FBXW7: variants seen among roughly 807,000 people sequenced by gnomAD.
FBXW7 encodes F-box and WD repeat domain containing 7, also known as F-box/WD repeat-containing protein 7.
FBXW7 carries 11 observed loss-of-function variants against 86.3 expected under a neutral mutation model. The ratio of observed to expected loss-of-function variants is 0.13; its 90% CI spans 0.08 to 0.21. FBXW7 has a LOEUF of 0.21. FBXW7 is among the 10% of genes least tolerant of loss of function. The probability of loss-of-function intolerance (pLI) is 1.00; values close to 1 mark genes in which losing one functional copy is unlikely to be tolerated. For synonymous variants in FBXW7, 313 were observed against 297.9 expected (o/e 1.05, Z -0.52); for missense variants, 488 against 847.4 (o/e 0.58, Z 5.27).
chr4:152,373,219 G>A (rs1175036034), intron 4 of FBXW7, among the ~76,000 whole-genome samples: 2 of 151,946 alleles, frequency 1.3e-5, no homozygotes, highest in Non-Finnish European at 2.9e-5. Flanking sequence ...GATTCCTCAC[G>A]TGTAAAACAG....
chr4:152,459,118 TCTA>T (rs1742701504), intron 2 of FBXW7, among the ~76,000 whole-genome samples: 1 of 152,190 alleles, frequency 6.6e-6, no homozygotes, highest in African/African-American at 2.4e-5. Flanking sequence ...AGTGGTGTTC[TCTA>T]CTGTCTAAGT....
At chr4:152,411,206 T>G (rs1161788108) in intron 4 of FBXW7, 97 bp downstream of exon 4, 4 of 1,384,714 alleles carry the variant, frequency 2.9e-6, no homozygotes, top group Non-Finnish European at 2.9e-6. Context: ...ATCTTAAGAT[T>G]AATTTTTAGT....
intron 2 of FBXW7, among the ~76,000 whole-genome samples, chr4:152,431,945 T>C (rs745987097): frequency 2.6e-5 from 4 of 152,184 alleles, no homozygotes; most frequent in Non-Finnish European, 5.9e-5. Context: ...AATCAGTACT[T>C]GCTACTCTTC....
intron 4 of FBXW7, chr4:152,353,007 C>T: frequency 8.1e-7 from 1 of 1,231,386 alleles, no homozygotes; most frequent in Non-Finnish European, 1.0e-6. Context: ...GAGACCGCCC[C>T]CACACGACAG....
chr4:152,369,837 A>AT (rs1345162241), intron 4 of FBXW7, among the ~76,000 whole-genome samples: 1 of 151,994 alleles, frequency 6.6e-6, no homozygotes, highest in Non-Finnish European at 1.5e-5. Flanking sequence ...TTAACTAAAC[A>AT]TATTCCTTGA....
intron 2 of FBXW7, among the ~76,000 whole-genome samples, chr4:152,521,703 A>G (rs899867466): frequency 2.6e-5 from 4 of 152,104 alleles, no homozygotes; most frequent in Non-Finnish European, 5.9e-5. Context: ...AGGGATCCCA[A>G]AGGGATCCCA....
chr4:152,527,610 T>TG (rs929939390), intron 2 of FBXW7, among the ~76,000 whole-genome samples: 1 of 149,964 alleles, frequency 6.7e-6, no homozygotes, highest in African/African-American at 2.5e-5. Context: ...CTTTACAGAA[T>TG]TTTTTTTTTA....
intron 4 of FBXW7, among the ~76,000 whole-genome samples, chr4:152,385,016 C>G (rs1360028983): frequency 6.6e-6 from 1 of 151,996 alleles, no homozygotes; most frequent in Non-Finnish European, 1.5e-5. Flanking sequence ...TTGTCCTTCT[C>G]TCATTAGACA....
intron 9 of FBXW7, 150 bp downstream of exon 9, chr4:152,330,582 T>C (rs1729463683): frequency 8.2e-6 from 5 of 606,856 alleles, no homozygotes; most frequent in Non-Finnish European, 1.3e-5. Flanking sequence ...TAAAAGAATA[T>C]TGTCAGTTAA....
intron 2 of FBXW7, among the ~76,000 whole-genome samples, chr4:152,522,477 C>A (rs1749113544): frequency 6.6e-6 from 1 of 152,214 alleles, no homozygotes; most frequent in South Asian, 2.1e-4. Context: ...TATACAGAAT[C>A]TAACTGGCAA....
At chr4:152,459,086 G>A (rs1460330659) in intron 2 of FBXW7, among the ~76,000 whole-genome samples, 1 of 152,104 alleles carries the variant, frequency 6.6e-6, no homozygotes, top group Non-Finnish European at 1.5e-5. Flanking sequence ...CCCTAGGAGA[G>A]GTGAGGAGCC....
intron 2 of FBXW7, among the ~76,000 whole-genome samples, chr4:152,478,761 T>C (rs560307684): frequency 9.2e-5 from 14 of 152,246 alleles, no homozygotes; most frequent in East Asian, 5.8e-4. Flanking sequence ...AATAGCCAAA[T>C]TGTATCTAAA....
chr4:152,401,528 G>T (rs1427347566), intron 4 of FBXW7, among the ~76,000 whole-genome samples: 4 of 152,192 alleles, frequency 2.6e-5, no homozygotes, highest in Admixed American at 2.6e-4. Flanking sequence ...GCGATGAGAG[G>T]CTGGGGAAGA....
chr4:152,361,246 G>C (rs1461781592), intron 4 of FBXW7, among the ~76,000 whole-genome samples: 1 of 152,010 alleles, frequency 6.6e-6, no homozygotes, highest in Non-Finnish European at 1.5e-5. Flanking sequence ...CAAGTGAGTA[G>C]GGAAGAACAT....
chr4:152,435,844 T>C (rs1358666370), intron 2 of FBXW7, among the ~76,000 whole-genome samples: 1 of 152,246 alleles, frequency 6.6e-6, no homozygotes, highest in Non-Finnish European at 1.5e-5. Context: ...CACATTTTGG[T>C]AATTCTTGCA....
chr4:152,436,291 C>T (rs1740374897), intron 2 of FBXW7, among the ~76,000 whole-genome samples: 1 of 152,182 alleles, frequency 6.6e-6, no homozygotes, highest in South Asian at 2.1e-4. Flanking sequence ...TCAACCATAA[C>T]ATTTCCTTAG....
At chr4:152,481,718 G>A (rs1341104717) in intron 2 of FBXW7, among the ~76,000 whole-genome samples, 2 of 152,214 alleles carry the variant, frequency 1.3e-5, no homozygotes, top group Admixed American at 6.5e-5. Context: ...CAAGACTTCA[G>A]TGGAGGAAAT....
At chr4:152,339,343 C>T (rs935723009) in intron 6 of FBXW7, among the ~76,000 whole-genome samples, 1 of 152,250 alleles carries the variant, frequency 6.6e-6, no homozygotes, top group East Asian at 1.9e-4. Flanking sequence ...ACACACGTGA[C>T]CAATTAAAAG....
At chr4:152,415,428 G>A (rs1738338204) in intron 2 of FBXW7, among the ~76,000 whole-genome samples, 1 of 152,080 alleles carries the variant, frequency 6.6e-6, no homozygotes, top group South Asian at 2.1e-4. Flanking sequence ...CTGATCATCA[G>A]GAAGAATAAC....
Sources: allele counts gnomAD v4.1 joint callset (sites outside exome capture counted in the v4.1 genomes callset), GRCh38; gene constraint gnomAD v4.1.1; transcripts MANE v1.5; gene names NCBI Gene and HGNC (gene_info 2026-07-23, HGNC 2026-07-21).